The following SRBD1 variants were observed in gnomAD, a reference collection of about 807,000 sequenced individuals.
SRBD1 encodes the protein S1 RNA-binding domain-containing protein 1.
In SRBD1, 88 loss-of-function variants were observed where a neutral mutation model predicts 115.3. The ratio of observed to expected loss-of-function variants is 0.76; its 90% CI spans 0.64 to 0.91. The LOEUF is 0.91. Ranked by LOEUF, SRBD1 falls within the 40% of genes least tolerant of loss-of-function variation. SRBD1 has a pLI of 0.00. For synonymous variants in SRBD1, 509 were observed against 407.7 expected, an observed-to-expected ratio of 1.25 and a Z score of -2.99; for missense variants, 1,385 against 1,177.4, an observed-to-expected ratio of 1.18 and a Z score of -2.58.
chr2:45,501,664 T>C (rs1032076554), intron 14 of SRBD1, among the ~76,000 whole-genome samples: 3 of 152,034 alleles, frequency 2.0e-5, no homozygotes, highest in African/African-American at 7.2e-5. Flanking sequence ...GCTCGGAGGG[T>C]CCCACACCCA....
intron 1 of SRBD1, among the ~76,000 whole-genome samples, chr2:45,610,136 T>C (rs1447212594): frequency 2.0e-5 from 3 of 152,174 alleles, no homozygotes; most frequent in Non-Finnish European, 2.9e-5. Flanking sequence ...TTAATCACTG[T>C]AGGCACATGA....
intron 15 of SRBD1, among the ~76,000 whole-genome samples, chr2:45,481,186 A>G (rs2103832082): frequency 6.6e-6 from 1 of 152,308 alleles, no homozygotes; most frequent in Admixed American, 6.5e-5. Context: ...TATAGTATAA[A>G]CATAACTTTT....
chr2:45,474,869 C>A (rs1669759819), intron 16 of SRBD1, among the ~76,000 whole-genome samples: 1 of 152,130 alleles, frequency 6.6e-6, no homozygotes, highest in African/African-American at 2.4e-5. Flanking sequence ...TATATAGGTA[C>A]ACATGTACAC....
intron 19 of SRBD1, among the ~76,000 whole-genome samples, chr2:45,399,380 G>A (rs987463266): frequency 1.3e-5 from 2 of 152,142 alleles, no homozygotes; most frequent in Admixed American, 6.5e-5. Flanking sequence ...ATAGTCTTCC[G>A]CTTGTATCTG....
chr2:45,598,410 C>A (rs371286574), intron 4 of SRBD1, among the ~76,000 whole-genome samples: 9 of 151,788 alleles, frequency 5.9e-5, no homozygotes, highest in African/African-American at 2.2e-4. Flanking sequence ...GCAGGCAGAT[C>A]GAGACCATCC....
In SRBD1 at chr2:45,551,220, T is replaced by C; in HGVS notation, c.1580A>G (p.Gln527Arg). The C allele has an allele frequency of 6.2e-7, 1 of 1,613,174 alleles. No homozygotes were observed. The highest frequency in any genetic ancestry group is 8.5e-7 in the Non-Finnish European group (1 of 1,179,854). The change falls in exon 12 of 21, where the codon CAG becomes CGG. Residue 527 changes from glutamine to arginine, a missense_variant. By Grantham distance (43) the Gln-to-Arg change is conservative (BLOSUM62 1). Coordinates refer to ENST00000263736, the MANE Select transcript of SRBD1 (RefSeq NM_018079.5). ...TGGAACAGGGCTTGTTAAAAGGAGC[T>C]GACGAAGGTTCCGTCCAAACATCAT... ...SVMMFGRNLR[Q>R]LLLTSPVPGR...
At chr2:45,604,885 G>C (rs752905555) in intron 2 of SRBD1, among the ~76,000 whole-genome samples, 32 of 152,158 alleles carry the variant, frequency 2.1e-4, no homozygotes, top group Non-Finnish European at 3.2e-4. Flanking sequence ...CTAAAGCAGA[G>C]ATTCTCAACT....
intron 1 of SRBD1, among the ~76,000 whole-genome samples, chr2:45,610,234 G>C (rs564141002): frequency 3.3e-5 from 5 of 152,116 alleles, no homozygotes; most frequent in African/African-American, 1.2e-4. Flanking sequence ...TCAGGACAAA[G>C]GGGCAAAAGG....
chr2:45,496,781 C>A (rs1670472637), intron 14 of SRBD1, among the ~76,000 whole-genome samples: 1 of 152,094 alleles, frequency 6.6e-6, no homozygotes, highest in South Asian at 2.1e-4. Flanking sequence ...CACCACTATC[C>A]AGTCAAAGGA....
chr2:45,436,258 C>T (rs1270199099), intron 16 of SRBD1, among the ~76,000 whole-genome samples: 7 of 152,124 alleles, frequency 4.6e-5, no homozygotes, highest in Non-Finnish European at 2.9e-5. Context: ...CGGGAAACAT[C>T]CTCAAGGTGA....
chr2:45,425,610 G>C (rs529282763), intron 16 of SRBD1, among the ~76,000 whole-genome samples: 1 of 152,008 alleles, frequency 6.6e-6, no homozygotes, highest in Non-Finnish European at 1.5e-5. Context: ...TTCCAACTGA[G>C]GTACCTGGCT....
intron 16 of SRBD1, among the ~76,000 whole-genome samples, chr2:45,472,248 T>C (rs1409534510): frequency 6.6e-6 from 1 of 152,176 alleles, no homozygotes; most frequent in African/African-American, 2.4e-5. Context: ...AACCCACATA[T>C]TGTATGATTC....
At chr2:45,426,806 C>G (rs1408293287) in intron 16 of SRBD1, among the ~76,000 whole-genome samples, 2 of 152,094 alleles carry the variant, frequency 1.3e-5, no homozygotes, top group African/African-American at 4.8e-5. Context: ...GCATCAACAT[C>G]AACAAAAAGG....
chr2:45,602,133 C>A lies in SRBD1; in HGVS notation c.81-50G>T. ...CTCCAGGAAAAATAAAAGCAAATGT[C>A]AAAGGTAAAAAAGAGATGCAAGATT... On this transcript the variant is annotated intron_variant, in intron 2 of 20. Transcript: ENST00000263736. The A allele has an allele frequency of 5.1e-6, 8 of 1,554,372 alleles. No individual in the cohort carries two copies. In the South Asian group the frequency reaches 6.2e-5, roughly 12 times the overall value.
chr2:45,601,881 T>C (rs1476770707), intron 3 of SRBD1, 22 bp downstream of exon 3: 45 of 1,612,694 alleles, frequency 2.8e-5, no homozygotes, highest in Non-Finnish European at 3.8e-5. Flanking sequence ...CAGAGTTCCC[T>C]CTATCCAGCT....
chr2:45,414,079 C>T (rs1667687198), intron 18 of SRBD1, among the ~76,000 whole-genome samples: 1 of 152,112 alleles, frequency 6.6e-6, no homozygotes, highest in Non-Finnish European at 1.5e-5. Flanking sequence ...ATCAGACTAG[C>T]ATCAGATTTC....
chr2:45,396,258 A>G (rs1047291496), intron 19 of SRBD1, among the ~76,000 whole-genome samples: 1 of 152,162 alleles, frequency 6.6e-6, no homozygotes, highest in African/African-American at 2.4e-5. Flanking sequence ...AAAGTGCTAT[A>G]TTTGGTTAGG....
intron 16 of SRBD1, among the ~76,000 whole-genome samples, chr2:45,440,701 G>A (rs888110252): frequency 2.6e-5 from 4 of 152,098 alleles, no homozygotes; most frequent in Non-Finnish European, 4.4e-5. Flanking sequence ...AATCAAGAGT[G>A]CAAACTTTTA....
At chr2:45,577,621 T>C (rs543184941) in intron 7 of SRBD1, among the ~76,000 whole-genome samples, 3 of 152,164 alleles carry the variant, frequency 2.0e-5, no homozygotes, top group African/African-American at 7.2e-5. Flanking sequence ...AAATGCTTAC[T>C]GGTCTGTGGC....
Sources: gnomAD v4.1 joint callset for allele counts (sites outside exome capture counted in the v4.1 genomes callset) on GRCh38, gnomAD v4.1.1 for gene constraint, MANE v1.5 for transcripts, NCBI Gene and HGNC (gene_info 2026-07-23, HGNC 2026-07-21) for gene names.